The following APPL2 variants were observed in gnomAD, a reference collection of about 807,000 sequenced individuals.
APPL2 encodes the protein DCC-interacting protein 13-beta.
APPL2 carries 84 observed loss-of-function variants against 92.7 expected under a neutral mutation model. That is an observed-to-expected ratio of 0.91 (90% CI 0.76 to 1.09). APPL2 has a LOEUF of 1.09. APPL2 is among the 50% of genes least tolerant of loss of function. APPL2 has a pLI of 0.00. For synonymous variants in APPL2, 291 were observed against 291.0 expected (o/e 1.00, Z 0.00); for missense variants, 736 against 824.5 (o/e 0.89, Z 1.31).
At chr12:105,190,394 T>C (rs772871136) in intron 14 of APPL2, among the ~76,000 whole-genome samples, 1 of 152,226 alleles carries the variant, frequency 6.6e-6, no homozygotes, top group Non-Finnish European at 1.5e-5. Context: ...ACTGTGTTAC[T>C]AGTTTTCTGT....
chr12:105,199,407 G>C lies in APPL2; in HGVS notation c.829C>G (p.Leu277Val), dbSNP rs1887945878. The C allele has an allele frequency of 6.2e-7, 1 of 1,613,768 alleles. No homozygotes were observed. The highest frequency in any genetic ancestry group is 1.3e-5 in the African/African-American group (1 of 74,928). The stretch of plus-strand genomic sequence containing the variant: ...TTAAGGTAACCAGCCTTCTGGATGA[G>C]GTTCCTGTTGATCTGTGGTGCGGCC... ...DVAAPQINRN[L>V]IQKAGYLNLR... The change falls in exon 10 of 21, where the codon CTC (leucine) becomes GTC (valine). Residue 277 changes from leucine (L) to valine (V), a missense_variant. Coordinates refer to ENST00000258530, the MANE Select transcript of APPL2 (RefSeq NM_018171.5).
rs143321122 is a variant in APPL2, at chr12:105,183,374, T to C, written c.1634+4899A>G. On this transcript the variant is annotated intron_variant, in intron 17 of 20. Transcript: ENST00000258530. ...TGCTGATGGTTTTTACATTTTGGTA[T>C]GTTTTTGCAGTGGCTGGTACTGGTT... is the stretch of plus-strand genomic sequence containing the variant. 5.6e-3 allele frequency among the ~76,000 whole-genome samples: 846 copies of C among 152,354 alleles called. 4 individuals carry two copies. Among genetic ancestry groups the C allele is most frequent in the African/African-American group, 0.019 (784 of 41,572 alleles).
At chr12:105,176,166 G>C in intron 19 of APPL2, 84 bp from the exon 20 acceptor site, 3 of 1,249,378 alleles carry the variant, frequency 2.4e-6, no homozygotes, top group Non-Finnish European at 3.4e-6. Context: ...AGTACAGTGA[G>C]GTCACTGTTC....
intron 8 of APPL2, among the ~76,000 whole-genome samples, chr12:105,204,087 G>C (rs1053891936): frequency 1.3e-5 from 2 of 152,232 alleles, no homozygotes; most frequent in African/African-American, 2.4e-5. Flanking sequence ...GGGTATGGGA[G>C]AGGGGAAGAA....
chr12:105,211,354 A>AC, intron 4 of APPL2, 37 bp from the exon 5 acceptor site: 4 of 1,403,996 alleles, frequency 2.8e-6, no homozygotes, highest in Non-Finnish European at 4.0e-6. Flanking sequence ...TAAATTAAAT[A>AC]CATTATTATT....
chr12:105,222,948 A>G (rs770017197), intron 2 of APPL2, among the ~76,000 whole-genome samples: 1 of 152,224 alleles, frequency 6.6e-6, no homozygotes. Flanking sequence ...TTAATAAAGA[A>G]ACAGGCAGCA....
rs1401915217 is a variant in APPL2 at position 105,207,130 on chromosome 12, G to A, written c.552C>T (p.Ala184=). The A allele has an allele frequency of 6.2e-7, 1 of 1,614,146 alleles. No individual in the cohort carries two copies. The highest frequency in any genetic ancestry group is 8.5e-7 in the Non-Finnish European group (1 of 1,180,032). The change falls in exon 8 of 21, where the codon GCC becomes GCT. Residue 184 remains alanine, a synonymous_variant. Coordinates refer to ENST00000258530, the MANE Select transcript of APPL2 (RefSeq NM_018171.5). Reference sequence around the variant, plus strand: ...GCTTTCTGTACTGCAGCGCGTTGAGGGCACAGTAGTACTGAAGGGAGGAGA... The same window carrying A: ...GCTTTCTGTACTGCAGCGCGTTGAGAGCACAGTAGTACTGAAGGGAGGAGA... ...QHLSSLQYYC[A]LNALQYRKQM... is the part of the protein sequence containing the mutation.
In APPL2 at chr12:105,197,802, G is replaced by A. The variant is rs1349670939; in HGVS notation, c.1015C>T (p.Arg339Cys). 7 of 1,614,156 alleles carry A rather than the reference G, an allele frequency of 4.3e-6. No homozygotes were observed. The highest frequency in any genetic ancestry group is 2.7e-5 in the African/African-American group (2 of 75,010). Residue 339 changes from arginine to cysteine, a missense_variant, in exon 11 of 21, where the codon CGC becomes TGC. By Grantham distance (180) the Arg-to-Cys change is radical. Coordinates refer to ENST00000258530, the MANE Select transcript of APPL2 (RefSeq NM_018171.5). ...SVMAVDCEDR[R>C]YCFQITTPNG... ...GGCGTGGTGATCTGGAAGCAGTAGC[G>A]CCGGTCTTCGCAATCCACGGCCATC...
At chr12:105,177,106 T>C in intron 18 of APPL2, 90 bp from the exon 19 acceptor site, 2 of 1,601,436 alleles carry the variant, frequency 1.2e-6, no homozygotes, top group Non-Finnish European at 1.7e-6. Context: ...TGAGAAAAAG[T>C]ATCCTATTAG....
rs150429865 is a variant in APPL2 at position 105,211,498 on chromosome 12, T to C, written c.286-181A>G. 1.6e-3 allele frequency among the ~76,000 whole-genome samples: 243 copies of C among 152,178 alleles called. 1 individual carries two copies. The highest frequency in any genetic ancestry group is 5.6e-3 in the African/African-American group (233 of 41,518). On this transcript the variant is annotated intron_variant, in intron 4 of 20. Coordinates refer to ENST00000258530, the MANE Select transcript of APPL2 (RefSeq NM_018171.5). ...GATATTGGCCTAGAAGCATGAAAAA[T>C]GAAATGCAAGGTTCTAACTGACCAG... is the stretch of plus-strand genomic sequence containing the variant.
At chr12:105,210,378 C>T (rs1380559546) in intron 5 of APPL2, among the ~76,000 whole-genome samples, 1 of 152,174 alleles carries the variant, frequency 6.6e-6, no homozygotes, top group African/African-American at 2.4e-5. Context: ...CTGACCAGAT[C>T]TTTTAGCATT....
Position 105,176,987 on chromosome 12 carries a change from A to C in APPL2, c.1701T>G (p.Ala567=), listed in dbSNP as rs1344735694. 6.2e-7 allele frequency: 1 copy of C among 1,614,146 alleles called. No homozygotes were observed. The highest frequency in any genetic ancestry group is 1.7e-5 in the Admixed American group (1 of 60,024). The stretch of plus-strand genomic sequence containing the variant: ...CCAGTCTCTTGTTTTCTTGATGAGC[A>C]GCAAATTGTGTGACACTGGTAAGTT... The part of the protein sequence containing the change: ...NFELTSVTQF[A]AHQENKRLVG... Residue 567 remains alanine (A), a synonymous_variant, in exon 19 of 21, where the codon GCT becomes GCG. Transcript: ENST00000258530.
At chr12:105,190,751 C>A (rs1887124479) in intron 14 of APPL2, among the ~76,000 whole-genome samples, 1 of 152,212 alleles carries the variant, frequency 6.6e-6, no homozygotes, top group African/African-American at 2.4e-5. Flanking sequence ...TGATTCTTCT[C>A]AGTAAGTCAC....
At chr12:105,192,963 TC>T (rs113436517) in intron 14 of APPL2, among the ~76,000 whole-genome samples, 65 of 151,258 alleles carry the variant, frequency 4.3e-4, no homozygotes, top group African/African-American at 1.5e-3. Context: ...TCTGATTCTT[TC>T]CCCCCCCACT....
At chr12:105,179,889 T>C (rs1371607050) in intron 17 of APPL2, among the ~76,000 whole-genome samples, 4 of 152,236 alleles carry the variant, frequency 2.6e-5, no homozygotes, top group African/African-American at 7.2e-5. Flanking sequence ...GTCAGATGGA[T>C]AGATTGAAAA....
intron 11 of APPL2, 62 bp from the exon 12 acceptor site, chr12:105,195,689 T>A: frequency 6.3e-7 from 1 of 1,581,144 alleles, no homozygotes; most frequent in Non-Finnish European, 8.7e-7. Flanking sequence ...GGAATTTCTC[T>A]ACATAAACTG....
At chr12:105,186,685 T>TATATC (rs1566056553) in intron 17 of APPL2, among the ~76,000 whole-genome samples, 1,017 of 63,396 alleles carry the variant, frequency 0.016, 12 homozygotes, top group Non-Finnish European at 0.021. Flanking sequence ...ATATATCATA[T>TATATC]ATATATCATA....
At chr12:105,226,031 ACTAT>A (rs1890475313) in intron 2 of APPL2, among the ~76,000 whole-genome samples, 2 of 152,240 alleles carry the variant, frequency 1.3e-5, no homozygotes, top group Non-Finnish European at 1.5e-5. Flanking sequence ...AAATTATAAA[ACTAT>A]CAATCAAATT....
At chr12:105,201,599 T>C (rs1464837632) in intron 9 of APPL2, among the ~76,000 whole-genome samples, 6 of 141,884 alleles carry the variant, frequency 4.2e-5, no homozygotes, top group Admixed American at 1.5e-4. Flanking sequence ...CCACACAGAC[T>C]CAGGCTCAAA....
Sources: gnomAD v4.1 joint callset for allele counts (sites outside exome capture counted in the v4.1 genomes callset) on GRCh38, gnomAD v4.1.1 for gene constraint, MANE v1.5 for transcripts, NCBI Gene and HGNC (gene_info 2026-07-23, HGNC 2026-07-21) for gene names.